The following G3BP1 variants were observed in gnomAD, a reference collection of about 807,000 sequenced individuals.
G3BP1 encodes the protein G3BP stress granule assembly factor 1, also known as ras GTPase-activating protein-binding protein 1.
G3BP1 carries 35 observed loss-of-function variants against 58.6 expected under a neutral mutation model. That is an observed-to-expected ratio of 0.60 (90% CI 0.46 to 0.79). G3BP1 has a LOEUF of 0.79. G3BP1 is among the 30% of genes least tolerant of loss of function. The pLI, the probability that G3BP1 is intolerant of heterozygous loss-of-function variation, is 0.00. For missense variants in G3BP1, 523 were observed against 580.8 expected (o/e 0.90, Z 1.02); for synonymous variants, 191 against 195.4 (o/e 0.98, Z 0.19).
At chr5:151,785,550 G>A (rs551700273) in intron 1 of G3BP1, among the ~76,000 whole-genome samples, 7 of 152,158 alleles carry the variant, frequency 4.6e-5, no homozygotes, top group African/African-American at 1.4e-4. Context: ...CTCTTCCCCC[G>A]TGAATGAAAT....
intron 1 of G3BP1, among the ~76,000 whole-genome samples, chr5:151,779,941 G>A (rs1194253062): frequency 6.6e-6 from 1 of 152,160 alleles, no homozygotes; most frequent in Non-Finnish European, 1.5e-5. Flanking sequence ...TTTGTCTTGG[G>A]TGAGTTTCTT....
In G3BP1 at chr5:151,807,414, G is replaced by A. The variant is rs1762952792; in HGVS notation, c.*3323G>A. The stretch of plus-strand genomic sequence containing the variant: ...CGCAATGAACTTCCTACTGTAGGGA[G>A]ACTTGAGTCTGGAATACATTCAGAA... On this transcript the variant is annotated 3_prime_UTR_variant, in exon 12 of 12. Transcript: ENST00000356245. The A allele has an allele frequency of 6.6e-6, 1 of 152,188 alleles. No homozygotes were observed. The allele number at this position is 152,188 out of a possible 1,614,324, so 9.4% of individuals were successfully genotyped here.
chr5:151,774,726 A>G (rs184993858), intron 1 of G3BP1, among the ~76,000 whole-genome samples: 28 of 151,746 alleles, frequency 1.8e-4, no homozygotes, highest in Middle Eastern at 3.4e-3. Flanking sequence ...CAAAAAAAAA[A>G]AGGAAAGCCT....
chr5:151,782,525 C>G (rs76902651), intron 1 of G3BP1, among the ~76,000 whole-genome samples: 1,722 of 152,190 alleles, frequency 0.011, 28 homozygotes, highest in African/African-American at 0.032. Flanking sequence ...GTATATCATT[C>G]TTAAGAATAT....
intron 1 of G3BP1, 64 bp from the exon 2 acceptor site, chr5:151,786,508 A>C (rs1224898033): frequency 2.8e-6 from 2 of 714,988 alleles, no homozygotes; most frequent in South Asian, 1.6e-5. Context: ...TGCTGAAATG[A>C]TCTTGTCTCT....
chr5:151,774,398 G>A (rs1047152670), intron 1 of G3BP1, among the ~76,000 whole-genome samples: 3 of 151,858 alleles, frequency 2.0e-5, no homozygotes, highest in Admixed American at 6.6e-5. Context: ...ACGGCAGAAG[G>A]CAGTTTTAAG....
chr5:151,783,016 C>T (rs1395832008), intron 1 of G3BP1, among the ~76,000 whole-genome samples: 2 of 151,936 alleles, frequency 1.3e-5, no homozygotes, highest in African/African-American at 4.8e-5. Context: ...CGCCACCATG[C>T]TTGGCTAATT....
chr5:151,810,276 G>A lies in G3BP1; in HGVS notation c.*6185G>A, dbSNP rs1037978759. ...GCTTCAAGTGCCTTCTGTCTTCCCCGAAGGTCCACTGAGATCTACAATCCC... is the reference window on the plus strand; with the variant it reads ...GCTTCAAGTGCCTTCTGTCTTCCCCAAAGGTCCACTGAGATCTACAATCCC... On this transcript the variant is annotated 3_prime_UTR_variant, in exon 12 of 12. Coordinates refer to ENST00000356245, the MANE Select transcript of G3BP1 (RefSeq NM_005754.3). 1 of 150,670 alleles carries A rather than the reference G, an allele frequency of 6.6e-6. No homozygotes were observed. Among genetic ancestry groups the A allele is most frequent in the Non-Finnish European group, 1.5e-5 (1 of 67,572 alleles). 9.3% of individuals were successfully genotyped at this position (150,670 alleles called of 1,614,324 possible).
chr5:151,801,474 A>G (rs1414580436), intron 11 of G3BP1, among the ~76,000 whole-genome samples: 1 of 152,222 alleles, frequency 6.6e-6, no homozygotes, highest in Non-Finnish European at 1.5e-5. Context: ...GTAGAGAAGA[A>G]CAAGTGTATA....
At chr5:151,773,270 C>T (rs1454258677) in intron 1 of G3BP1, among the ~76,000 whole-genome samples, 1 of 152,160 alleles carries the variant, frequency 6.6e-6, no homozygotes, top group Non-Finnish European at 1.5e-5. Context: ...TAAGATCTCA[C>T]TAGCATCTGT....
At chr5:151,803,200 A>G (rs1161290527) in intron 11 of G3BP1, among the ~76,000 whole-genome samples, 1 of 152,240 alleles carries the variant, frequency 6.6e-6, no homozygotes, top group Non-Finnish European at 1.5e-5. Flanking sequence ...ATGTATATGT[A>G]CTTTGCATAA....
Position 151,810,677 on chromosome 5 carries a change from CA to C in G3BP1, c.*6587del, listed in dbSNP as rs1297325590. Reference sequence around the variant, plus strand: ...TATTCCACCAGAAGGTACAGTGACTCATAACTAGAGTCTTTAGATGAAACTT... The same window carrying C: ...TATTCCACCAGAAGGTACAGTGACTCTAACTAGAGTCTTTAGATGAAACTT... On this transcript the variant is annotated 3_prime_UTR_variant, in exon 12 of 12. Coordinates refer to ENST00000356245, the MANE Select transcript of G3BP1 (RefSeq NM_005754.3). 1 of 152,192 alleles carries C rather than the reference CA, an allele frequency of 6.6e-6. No individual in the cohort carries two copies. Among genetic ancestry groups the C allele is most frequent in the African/African-American group, 2.4e-5 (1 of 41,428 alleles). 9.4% of individuals were successfully genotyped at this position (152,192 alleles called of 1,614,324 possible).
intron 2 of G3BP1, chr5:151,787,911 G>A: frequency 5.6e-6 from 1 of 179,740 alleles, no homozygotes; most frequent in South Asian, 8.7e-5. Context: ...GTGTGTGTGT[G>A]TGCATGTGTG....
chr5:151,777,407 AT>A (rs1274916839), intron 1 of G3BP1, among the ~76,000 whole-genome samples: 22 of 152,196 alleles, frequency 1.4e-4, no homozygotes, highest in African/African-American at 5.1e-4. Flanking sequence ...CAGAATTAAC[AT>A]TTGACATTTT....
Position 151,794,265 on chromosome 5 carries a change from CTTTAAA to C in G3BP1, c.442+19_442+24del. On this transcript the variant is annotated intron_variant, in intron 5 of 11. Transcript: ENST00000356245. ...CCTCAGGAGGGTAAGTAGTGAAATA[CTTTAAA>C]TTACTTGTCTAAATTTTTTTTAATG... The C allele has an allele frequency of 7.0e-7, 1 of 1,434,988 alleles. No individual in the cohort carries two copies. The highest frequency in any genetic ancestry group is 9.8e-7 in the Non-Finnish European group (1 of 1,017,396). The allele number at this position is 1,434,988 out of a possible 1,614,324, so 88.9% of individuals were successfully genotyped here.
intron 2 of G3BP1, among the ~76,000 whole-genome samples, chr5:151,788,584 G>GTA (rs1762593680): frequency 6.7e-6 from 1 of 148,526 alleles, no homozygotes; most frequent in Non-Finnish European, 1.5e-5. Context: ...GTGTGTGTGT[G>GTA]TGTGTGTGTG....
At chr5:151,787,246 T>C (rs1394130042) in intron 2 of G3BP1, 1 of 152,468 alleles carries the variant, frequency 6.6e-6, no homozygotes, top group Non-Finnish European at 1.5e-5. Context: ...GGTATAGTCA[T>C]GCATTATTTA....
rs111985025 is a variant in G3BP1 at position 151,786,219 on chromosome 5, G to A, written c.-49-353G>A. On this transcript the variant is annotated intron_variant, in intron 1 of 11. Transcript: ENST00000356245. ...CAGGAGAATCGCTTGAACCTGGGAG[G>A]TGGAGGTTGTGGTGAGCCGAGATCG... Among the ~76,000 whole-genome samples the A allele has an allele frequency of 4.4e-3, 667 of 152,322 alleles. 4 individuals are homozygous for A. Among genetic ancestry groups the A allele is most frequent in the African/African-American group, 0.015 (644 of 41,562 alleles).
At chr5:151,799,340 T>C (rs538350655) in intron 8 of G3BP1, 27 bp downstream of exon 8, 37 of 1,108,216 alleles carry the variant, frequency 3.3e-5, no homozygotes, top group Non-Finnish European at 4.7e-5. Context: ...ACTTGTACAT[T>C]AGGCAAATTT....
Sources: allele counts gnomAD v4.1 joint callset (sites outside exome capture counted in the v4.1 genomes callset), GRCh38; gene constraint gnomAD v4.1.1; transcripts MANE v1.5; gene names NCBI Gene and HGNC (gene_info 2026-07-23, HGNC 2026-07-21).